SSPN: variants seen among roughly 807,000 people sequenced by gnomAD.
SSPN encodes the protein sarcospan.
In SSPN, 15 loss-of-function variants were observed where a neutral mutation model predicts 19.1. The ratio of observed to expected loss-of-function variants is 0.78; its 90% CI spans 0.52 to 1.21. The LOEUF is 1.21. Among genes scored for constraint, SSPN ranks in the 50% most tolerant of loss-of-function variants. SSPN has a pLI of 0.00. For synonymous variants in SSPN, 147 were observed against 140.3 expected (o/e 1.05, Z -0.34); for missense variants, 291 against 314.0 (o/e 0.93, Z 0.55).
intron 1 of SSPN, among the ~76,000 whole-genome samples, chr12:26,217,280 A>T (rs1945063782): frequency 7.0e-6 from 1 of 142,548 alleles, no homozygotes; most frequent in Non-Finnish European, 1.5e-5. Context: ...CTCCTTGAAG[A>T]GGTCCTTCAC....
chr12:26,142,153 C>G (rs1944464198), intron 1 of SSPN, among the ~76,000 whole-genome samples: 1 of 152,096 alleles, frequency 6.6e-6, no homozygotes, highest in Non-Finnish European at 1.5e-5. Flanking sequence ...TGTCTTATCA[C>G]TGGGACTTTG....
chr12:26,216,349 T>G (rs2137492499), intron 1 of SSPN, among the ~76,000 whole-genome samples: 1 of 152,156 alleles, frequency 6.6e-6, no homozygotes, highest in East Asian at 1.9e-4. Flanking sequence ...TTTTCATGTG[T>G]TTTTTGGCTG....
intron 1 of SSPN, among the ~76,000 whole-genome samples, chr12:26,168,602 A>G (rs1374872689): frequency 1.3e-5 from 2 of 152,230 alleles, no homozygotes; most frequent in Non-Finnish European, 2.9e-5. Context: ...ATTGAGCACC[A>G]ACAATAGTGG....
At chr12:26,180,932 A>T (rs991253153) in intron 1 of SSPN, 6 of 152,250 alleles carry the variant, frequency 3.9e-5, no homozygotes, top group African/African-American at 1.4e-4. Flanking sequence ...AAAATTTCCA[A>T]GGAGGCAACA....
chr12:26,131,164 A>G (rs1045371922), intron 1 of SSPN, among the ~76,000 whole-genome samples: 4 of 152,080 alleles, frequency 2.6e-5, no homozygotes, highest in Non-Finnish European at 5.9e-5. Flanking sequence ...ATTTTATTGT[A>G]TTAGGGTATT....
chr12:26,225,166 A>G (rs1394216224), intron 2 of SSPN, among the ~76,000 whole-genome samples: 2 of 152,176 alleles, frequency 1.3e-5, no homozygotes, highest in African/African-American at 2.4e-5. Context: ...TTCTACAAGA[A>G]AACATATAAA....
At chr12:26,124,688 C>CAGAT (rs1241785548) in intron 1 of SSPN, 1 of 1,613,754 alleles carries the variant, frequency 6.2e-7, no homozygotes, top group Non-Finnish European at 8.5e-7. Flanking sequence ...AAAGCCTAGA[C>CAGAT]AGATATTCGC....
At chr12:26,201,046 T>TATATATAATATATATATATATATATAAAA (rs59727119) in intron 1 of SSPN, among the ~76,000 whole-genome samples, 3,045 of 77,126 alleles carry the variant, frequency 0.039, 58 homozygotes, top group Middle Eastern at 0.058. Context: ...TATATATATA[T>TATATATAATATATATATATATATATAAAA]TATATATATA....
chr12:26,219,785 C>T (rs1339340823), intron 1 of SSPN, among the ~76,000 whole-genome samples: 1 of 152,234 alleles, frequency 6.6e-6, no homozygotes. Context: ...GCCCTGTTGC[C>T]TCTCAGCACT....
chr12:26,143,064 A>G (rs1944469793), intron 1 of SSPN, among the ~76,000 whole-genome samples: 1 of 152,268 alleles, frequency 6.6e-6, no homozygotes, highest in South Asian at 2.1e-4. Context: ...TGACTCACTT[A>G]TAATTCTTTG....
intron 1 of SSPN, among the ~76,000 whole-genome samples, chr12:26,130,400 T>C (rs1944390868): frequency 6.6e-6 from 1 of 152,194 alleles, no homozygotes. Flanking sequence ...GAGTTGTCAG[T>C]AACAGATATT....
intron 1 of SSPN, among the ~76,000 whole-genome samples, chr12:26,164,878 T>G (rs1439883783): frequency 6.6e-6 from 1 of 152,216 alleles, no homozygotes; most frequent in African/African-American, 2.4e-5. Flanking sequence ...GTAAAGATAA[T>G]GACAAGTAAA....
At chr12:26,229,090 G>A (rs1206718428) in intron 2 of SSPN, among the ~76,000 whole-genome samples, 1 of 152,140 alleles carries the variant, frequency 6.6e-6, no homozygotes. Flanking sequence ...GATATAAGAT[G>A]TTTCTATAAA....
At chr12:26,122,684 G>A in intron 1 of SSPN, 1 of 1,552,682 alleles carries the variant, frequency 6.4e-7, no homozygotes. Flanking sequence ...TCATCCTCTT[G>A]GGCGCCGGCG....
Position 26,162,338 on chromosome 12 carries a change from T to C in SSPN, c.-31+40186T>C, listed in dbSNP as rs146100383. Among the ~76,000 whole-genome samples, 661 of 152,352 alleles carry C rather than the reference T, an allele frequency of 4.3e-3. 2 individuals carry two copies. The highest frequency in any genetic ancestry group is 0.016 in the African/African-American group (649 of 41,580). On this transcript the variant is annotated intron_variant, in intron 1 of 2. Coordinates refer to the SSPN transcript ENST00000538142. ...GGCTTCAAGATAGCCCCTGAGCCAG[T>C]CTTTCTTTTAGGTCAATGAAGTTCC... is the stretch of plus-strand genomic sequence containing the variant.
intron 2 of SSPN, among the ~76,000 whole-genome samples, chr12:26,225,651 G>C (rs148558199): frequency 1.4e-4 from 21 of 151,408 alleles, no homozygotes; most frequent in Admixed American, 5.9e-4. Flanking sequence ...TTCTGTCTGA[G>C]GACTTTCCTT....
chr12:26,177,531 C>T (rs1235558100), intron 1 of SSPN, among the ~76,000 whole-genome samples: 1 of 152,162 alleles, frequency 6.6e-6, no homozygotes, highest in Admixed American at 6.5e-5. Flanking sequence ...CCATTCTGCC[C>T]CACCCGTAGC....
chr12:26,158,281 C>T (rs942129063), intron 1 of SSPN, among the ~76,000 whole-genome samples: 2 of 150,918 alleles, frequency 1.3e-5, no homozygotes, highest in South Asian at 2.1e-4. Flanking sequence ...TCTTTTCTTT[C>T]TCTGTCTTCC....
intron 1 of SSPN, among the ~76,000 whole-genome samples, chr12:26,170,004 A>C (rs1427807978): frequency 6.6e-6 from 1 of 152,108 alleles, no homozygotes; most frequent in East Asian, 1.9e-4. Context: ...GTGGAGAGAG[A>C]ACTTGTAGAG....
Sources: allele counts gnomAD v4.1 joint callset (sites outside exome capture counted in the v4.1 genomes callset), GRCh38; gene constraint gnomAD v4.1.1; transcripts MANE v1.5; gene names NCBI Gene and HGNC (gene_info 2026-07-23, HGNC 2026-07-21).